The following PRSS23 variants were observed in gnomAD, a reference collection of about 807,000 sequenced individuals.
PRSS23 encodes the protein serine protease 23.
A neutral mutation model predicts 34.7 loss-of-function variants in PRSS23; 25 were observed. The observed-to-expected ratio is 0.72, with a 90% CI of 0.53 to 1.01. PRSS23 has a LOEUF of 1.01. Ranked by LOEUF, PRSS23 falls within the 50% of genes least tolerant of loss-of-function variation. The probability of loss-of-function intolerance (pLI) is 0.00; values close to 1 mark genes in which losing one functional copy is unlikely to be tolerated. For synonymous variants in PRSS23, 176 were observed against 186.6 expected, an observed-to-expected ratio of 0.94 and a Z score of 0.46; for missense variants, 445 against 475.6, an observed-to-expected ratio of 0.94 and a Z score of 0.60.
chr11:86,857,501 G>A (rs1208816133), intron 2 of PRSS23: 1 of 429,408 alleles, frequency 2.3e-6, no homozygotes, highest in Non-Finnish European at 4.6e-6. Context: ...CATTCTTGAA[G>A]AAGGTGAGTT....
chr11:86,934,558 G>A (rs1176244316), intron 2 of PRSS23: 1 of 152,174 alleles, frequency 6.6e-6, no homozygotes, highest in East Asian at 1.9e-4. Context: ...GAAAGGAGAA[G>A]TATCTTTTAA....
chr11:86,834,181 G>C (rs1948383976), intron 2 of PRSS23, among the ~76,000 whole-genome samples: 1 of 152,200 alleles, frequency 6.6e-6, no homozygotes, highest in Admixed American at 6.5e-5. Context: ...TAATAGTTTT[G>C]AAGAGGCCTG....
intron 2 of PRSS23, among the ~76,000 whole-genome samples, chr11:86,906,339 G>T (rs1419924454): frequency 1.3e-5 from 2 of 151,166 alleles, no homozygotes; most frequent in African/African-American, 2.4e-5. Context: ...CCTCTCAAAG[G>T]CCCCCACCAG....
At chr11:86,812,132 G>A (rs544751305), downstream of PRSS23, among the ~76,000 whole-genome samples, 43 of 152,308 alleles carry the variant, frequency 2.8e-4, no homozygotes, top group African/African-American at 1.0e-3. Flanking sequence ...GGCAGCAGGT[G>A]TAAGCCAGGT....
chr11:86,849,838 C>T (rs962767640), intron 2 of PRSS23, among the ~76,000 whole-genome samples: 1 of 152,146 alleles, frequency 6.6e-6, no homozygotes, highest in Non-Finnish European at 1.5e-5. Context: ...TGCACTCTGA[C>T]TCCCTAGTCA....
At chr11:86,938,457 G>A (rs1178194929) in intron 2 of PRSS23, among the ~76,000 whole-genome samples, 2 of 151,564 alleles carry the variant, frequency 1.3e-5, no homozygotes, top group Non-Finnish European at 3.0e-5. Flanking sequence ...CCTGGCTCAG[G>A]AGTCCAGCAT....
intron 2 of PRSS23, among the ~76,000 whole-genome samples, chr11:86,828,351 A>T (rs890201375): frequency 3.9e-5 from 6 of 152,022 alleles, no homozygotes; most frequent in African/African-American, 1.5e-4. Flanking sequence ...TGCTTGGTAG[A>T]TCTTCCTCCA....
chr11:86,840,266 C>A (rs1337565202), intron 2 of PRSS23, among the ~76,000 whole-genome samples: 1 of 151,978 alleles, frequency 6.6e-6, no homozygotes, highest in African/African-American at 2.4e-5. Context: ...ATCTACCAAG[C>A]AAATGGAAAG....
chr11:86,833,907 T>A (rs1190798362), intron 2 of PRSS23, among the ~76,000 whole-genome samples: 1 of 152,138 alleles, frequency 6.6e-6, no homozygotes, highest in Non-Finnish European at 1.5e-5. Flanking sequence ...GTAGGGGTTG[T>A]GCAGTTGAGA....
intron 2 of PRSS23, among the ~76,000 whole-genome samples, chr11:86,861,121 AC>A (rs1168623500): frequency 1.3e-5 from 2 of 150,058 alleles, no homozygotes; most frequent in Non-Finnish European, 3.0e-5. Flanking sequence ...CTGTGTGTCC[AC>A]CCCCCTGTGA....
In PRSS23 at chr11:86,824,165, G is replaced by A. The variant is rs932874025; in HGVS notation, c.206+572G>A. 5.9e-5 allele frequency among the ~76,000 whole-genome samples: 9 copies of A among 151,286 alleles called. No homozygotes were observed. The East Asian group carries it at 1.2e-3, about 19-fold the overall frequency. ...TGTACAAAAACTTCAAAAATTAGCC[G>A]GGCATGGCCCCGTATGCCTGTGGTT... On this transcript the variant is annotated intron_variant, in intron 2 of 2. Transcript: ENST00000533902.
chr11:86,900,863 C>A (rs1025488472), intron 2 of PRSS23, among the ~76,000 whole-genome samples: 3 of 143,824 alleles, frequency 2.1e-5, no homozygotes, highest in Non-Finnish European at 4.5e-5. Context: ...CGGCTCACTG[C>A]AACCTCTGCC....
At chr11:86,950,960 A>G in intron 2 of PRSS23, 1 of 682,662 alleles carries the variant, frequency 1.5e-6, no homozygotes, top group Non-Finnish European at 2.6e-6. Context: ...CAAAGTCTGC[A>G]GCAAAATCAT....
chr11:86,843,732 G>A (rs115358647), intron 2 of PRSS23, among the ~76,000 whole-genome samples: 30 of 152,300 alleles, frequency 2.0e-4, no homozygotes, highest in Admixed American at 1.6e-3. Flanking sequence ...TTTTACACCA[G>A]TTAGAATGGT....
chr11:86,795,306 G>A (rs1408564957), intron 1 of PRSS23, among the ~76,000 whole-genome samples: 3 of 152,162 alleles, frequency 2.0e-5, no homozygotes, highest in Non-Finnish European at 4.4e-5. Flanking sequence ...TATGGGTTTT[G>A]TACTGATTAT....
chr11:86,844,780 A>T (rs1023058182), intron 2 of PRSS23, among the ~76,000 whole-genome samples: 1 of 152,236 alleles, frequency 6.6e-6, no homozygotes, highest in Non-Finnish European at 1.5e-5. Context: ...GGGATGAAAG[A>T]ACAGGCAGCA....
chr11:86,865,299 T>C (rs1321837935), intron 2 of PRSS23, among the ~76,000 whole-genome samples: 1 of 152,212 alleles, frequency 6.6e-6, no homozygotes, highest in Non-Finnish European at 1.5e-5. Context: ...TCAACTTCTT[T>C]GAGTTTCAGT....
intron 2 of PRSS23, chr11:86,936,074 C>T (rs1177100027): frequency 6.6e-6 from 1 of 152,158 alleles, no homozygotes; most frequent in East Asian, 1.9e-4. Context: ...AGAAAAGCTT[C>T]ATAGCAATTT....
At chr11:86,943,890 C>T (rs183300371) in intron 2 of PRSS23, among the ~76,000 whole-genome samples, 1 of 151,918 alleles carries the variant, frequency 6.6e-6, no homozygotes, top group East Asian at 2.0e-4. Context: ...ACTACAGGCG[C>T]GTGTCACACC....
Sources: gnomAD v4.1 joint callset for allele counts (sites outside exome capture counted in the v4.1 genomes callset) on GRCh38, gnomAD v4.1.1 for gene constraint, MANE v1.5 for transcripts, NCBI Gene and HGNC (gene_info 2026-07-23, HGNC 2026-07-21) for gene names.